The following PCDHGA11 variants were observed in gnomAD, a reference collection of about 807,000 sequenced individuals.
PCDHGA11 encodes the protein protocadherin gamma-A11.
PCDHGA11 carries 39 observed loss-of-function variants against 60.4 expected under a neutral mutation model. The ratio of observed to expected loss-of-function variants is 0.65; its 90% CI spans 0.50 to 0.84. PCDHGA11 has a LOEUF of 0.84. Among genes scored for constraint, PCDHGA11 ranks in the 40% least tolerant of loss-of-function variants. The probability of loss-of-function intolerance (pLI) is 0.00; values close to 1 mark genes in which losing one functional copy is unlikely to be tolerated. For synonymous variants in PCDHGA11, 533 were observed against 510.3 expected (o/e 1.04, Z -0.60); for missense variants, 1,165 against 1,197.7 (o/e 0.97, Z 0.40).
At chr5:141,436,042 T>A (rs1246680632) in intron 1 of PCDHGA11, among the ~76,000 whole-genome samples, 4 of 152,182 alleles carry the variant, frequency 2.6e-5, no homozygotes, top group Non-Finnish European at 5.9e-5. Context: ...TGTATTTACA[T>A]TAGTTTTCAA....
At position 141,422,501 on chromosome 5, in the gene PCDHGA11, C is replaced by T. The variant is rs1343881573; in HGVS notation, c.1274C>T (p.Ala425Val). The change falls in exon 1 of 4, where the codon GCC (alanine) becomes GTC (valine). Residue 425 changes from alanine to valine, a missense_variant. Coordinates refer to ENST00000398587, the MANE Select transcript of PCDHGA11 (RefSeq NM_018914.3). ...LVQSYNITLT[A>V]TDQGSPPLSA... ...CAGAGCTACAATATAACGTTGACAGCCACAGACCAGGGAAGCCCGCCTTTG... is the reference window on the plus strand; with the variant it reads ...CAGAGCTACAATATAACGTTGACAGTCACAGACCAGGGAAGCCCGCCTTTG... 9.3e-6 allele frequency: 15 copies of T among 1,613,810 alleles called. No individual in the cohort carries two copies. The highest frequency in any genetic ancestry group is 1.3e-5 in the Non-Finnish European group (15 of 1,179,872).
Position 141,511,628 on chromosome 5 carries a change from G to C in PCDHGA11, c.*455G>C, listed in dbSNP as rs4912608. 0.2 allele frequency: 46,780 copies of C among 231,598 alleles called. 5,185 individuals are homozygous for C. The highest frequency in any genetic ancestry group is 0.32 in the Admixed American group (6,204 of 19,590). The allele number at this position is 231,598 out of a possible 1,614,324, so 14.3% of individuals were successfully genotyped here. A position where few individuals can be genotyped will look rare whatever the true frequency, so the allele number is the denominator to read the frequency against. On this transcript the variant is annotated 3_prime_UTR_variant, in exon 4 of 4. Transcript: ENST00000398587. ...CAAGCCTCCTAGTTCTGAAAAGTTG[G>C]AAGGGCATCATGACCTCTTGGCCTC...
Position 141,431,915 on chromosome 5 carries a change from A to G in PCDHGA11, c.2433+8255A>G. 1 of 1,614,040 alleles carries G rather than the reference A, an allele frequency of 6.2e-7. No homozygotes were observed. The highest frequency in any genetic ancestry group is 8.5e-7 in the Non-Finnish European group (1 of 1,179,854). On this transcript the variant is annotated intron_variant, in intron 1 of 3. Coordinates refer to ENST00000398587, the MANE Select transcript of PCDHGA11 (RefSeq NM_018914.3). The surrounding 1 kb of genome is among the most constrained non-coding windows in gnomAD (Gnocchi z 4.8). ...GGAAAACGGACAGGTGATCTGTTTC[A>G]TCCAAGGAAATCTGCCCTTTAAATT...
Position 141,454,981 on chromosome 5 carries a change from A to T in PCDHGA11, c.2433+31321A>T, listed in dbSNP as rs528657512. 9.9e-3 allele frequency among the ~76,000 whole-genome samples: 1,486 copies of T among 150,680 alleles called. 32 individuals carry two copies. Among genetic ancestry groups the T allele is most frequent in the African/African-American group, 0.034 (1,392 of 41,092 alleles). On this transcript the variant is annotated intron_variant, in intron 1 of 3. Coordinates refer to ENST00000398587, the MANE Select transcript of PCDHGA11 (RefSeq NM_018914.3). ...GGCCACCACGCCTGGCTAATTTTTTAAAAAATATTTTTAGTAGAGACGGGG... is the reference window on the plus strand; with the variant it reads ...GGCCACCACGCCTGGCTAATTTTTTTAAAAATATTTTTAGTAGAGACGGGG...
At chr5:141,484,404 G>C (rs1333849091) in intron 1 of PCDHGA11, among the ~76,000 whole-genome samples, 3 of 152,174 alleles carry the variant, frequency 2.0e-5, no homozygotes, top group Non-Finnish European at 4.4e-5. Flanking sequence ...GGTTTCCGCT[G>C]TGTCTCCTGT....
rs888457230 is a variant in PCDHGA11, at chr5:141,493,727, C to T, written c.2434-1080C>T. On this transcript the variant is annotated intron_variant, in intron 1 of 3. Transcript: ENST00000398587. This position sits in a 1 kb window ranked among gnomAD's most constrained non-coding sequence, Gnocchi z 4.3. ...TGGAATGCTAGGTTTCTGGGTTCTG[C>T]TCATATCACTGCCACCTGTGAGCCT... Among the ~76,000 whole-genome samples, 2 of 152,184 alleles carry T rather than the reference C, an allele frequency of 1.3e-5. No homozygotes were observed. Among genetic ancestry groups the T allele is most frequent in the Admixed American group, 6.5e-5 (1 of 15,280 alleles).
chr5:141,480,694 G>A (rs1446014656), intron 1 of PCDHGA11, among the ~76,000 whole-genome samples: 1 of 152,128 alleles, frequency 6.6e-6, no homozygotes, highest in Non-Finnish European at 1.5e-5. Flanking sequence ...TGAAACCCAG[G>A]CCACACCCCG....
Position 141,477,350 on chromosome 5 carries a change from A to G in PCDHGA11, c.2434-17457A>G. The G allele has an allele frequency of 6.2e-7, 1 of 1,614,142 alleles. No individual in the cohort carries two copies. Among genetic ancestry groups the G allele is most frequent in the Non-Finnish European group, 8.5e-7 (1 of 1,180,016 alleles). On this transcript the variant is annotated intron_variant, in intron 1 of 3. Transcript: ENST00000398587. The surrounding 1 kb of genome is among the most constrained non-coding windows in gnomAD (Gnocchi z 4.9). ...CAAGAATTACTTCACTTTGAAAACC[A>G]GTGCAGACCTGGATCGGGAGACTGT...
intron 1 of PCDHGA11, chr5:141,423,971 G>T: frequency 8.8e-7 from 1 of 1,136,014 alleles, no homozygotes; most frequent in Non-Finnish European, 1.1e-6. Context: ...TCTATTATCA[G>T]TGTATGAGGC....
intron 1 of PCDHGA11, chr5:141,475,927 G>A: frequency 1.6e-6 from 1 of 628,480 alleles, no homozygotes; most frequent in South Asian, 2.1e-5. Flanking sequence ...CTGGAGATCG[G>A]GCCCCTGCCC....
chr5:141,482,998 T>C (rs1458221945), intron 1 of PCDHGA11, among the ~76,000 whole-genome samples: 1 of 152,008 alleles, frequency 6.6e-6, no homozygotes, highest in Non-Finnish European at 1.5e-5. Flanking sequence ...GGCAGGAGAA[T>C]TGCTTGAACC....
chr5:141,432,823 C>A lies in PCDHGA11; in HGVS notation c.2433+9163C>A. 1 of 1,614,184 alleles carries A rather than the reference C, an allele frequency of 6.2e-7. No homozygotes were observed. Among genetic ancestry groups the A allele is most frequent in the Non-Finnish European group, 8.5e-7 (1 of 1,180,004 alleles). On this transcript the variant is annotated intron_variant, in intron 1 of 3. Transcript: ENST00000398587. The surrounding 1 kb of genome is among the most constrained non-coding windows in gnomAD (Gnocchi z 6.0). ...CTCCAGCTAACTCTGAAACCTCAGA[C>A]CTCACTCTGTACCTGGTGGTAGCGG...
intron 1 of PCDHGA11, among the ~76,000 whole-genome samples, chr5:141,480,672 T>A (rs1053078255): frequency 2.0e-5 from 3 of 152,166 alleles, no homozygotes; most frequent in African/African-American, 7.2e-5. Context: ...CCTAGAGACC[T>A]TTTAAAAATT....
At position 141,448,695 on chromosome 5, in the gene PCDHGA11, C is replaced by T. The variant is rs535473305; in HGVS notation, c.2433+25035C>T. 2.7e-4 allele frequency among the ~76,000 whole-genome samples: 41 copies of T among 152,246 alleles called. No homozygotes were observed. In the South Asian group the frequency reaches 8.5e-3, roughly 32 times the overall value. On this transcript the variant is annotated intron_variant, in intron 1 of 3. Coordinates refer to ENST00000398587, the MANE Select transcript of PCDHGA11 (RefSeq NM_018914.3). Reference sequence around the variant, plus strand: ...GTGGCTCACGCCTGTAATCGCAGCACTTTGGGAGGCCGAGGCGGGAGGATC... The same window carrying T: ...GTGGCTCACGCCTGTAATCGCAGCATTTTGGGAGGCCGAGGCGGGAGGATC...
intron 1 of PCDHGA11, among the ~76,000 whole-genome samples, chr5:141,438,745 T>C (rs1004731034): frequency 4.7e-5 from 7 of 147,392 alleles, no homozygotes; most frequent in Non-Finnish European, 1.0e-4. Flanking sequence ...CACTGCAACC[T>C]CTGCCTCCTG....
intron 1 of PCDHGA11, chr5:141,424,527 A>G (rs1164206187): frequency 1.3e-5 from 2 of 152,214 alleles, no homozygotes; most frequent in African/African-American, 2.4e-5. Flanking sequence ...GTAAATCCAT[A>G]TATAGAAATA....
rs768206517 is a variant in PCDHGA11, at chr5:141,432,482, G to A, written c.2433+8822G>A. 10 of 1,614,060 alleles carry A rather than the reference G, an allele frequency of 6.2e-6. No homozygotes were observed. The highest frequency in any genetic ancestry group is 1.3e-5 in the African/African-American group (1 of 74,946). On this transcript the variant is annotated intron_variant, in intron 1 of 3. Coordinates refer to ENST00000398587, the MANE Select transcript of PCDHGA11 (RefSeq NM_018914.3). The surrounding 1 kb of genome is among the most constrained non-coding windows in gnomAD (Gnocchi z 6.0). ...CCTCCCCACGGACGGTTCCACTGGC[G>A]TGGAGCTGGCTCCCCGCTCCGCAGA...
At chr5:141,458,662 C>A (rs948275548) in intron 1 of PCDHGA11, among the ~76,000 whole-genome samples, 2 of 152,064 alleles carry the variant, frequency 1.3e-5, no homozygotes, top group Non-Finnish European at 2.9e-5. Flanking sequence ...CTCCACCTCT[C>A]GGGTTCAAGC....
In PCDHGA11 at chr5:141,431,766, C is replaced by T. The variant is rs1474420822; in HGVS notation, c.2433+8106C>T. Reference sequence around the variant, plus strand: ...TCTGCGCGAGCCAAAGTCCTGATCACTGTTCTGGACGTGAACGACAATGCC... The same window carrying T: ...TCTGCGCGAGCCAAAGTCCTGATCATTGTTCTGGACGTGAACGACAATGCC... On this transcript the variant is annotated intron_variant, in intron 1 of 3. Transcript: ENST00000398587. The surrounding 1 kb of genome is among the most constrained non-coding windows in gnomAD (Gnocchi z 4.8). 2.5e-6 allele frequency: 4 copies of T among 1,614,196 alleles called. No individual in the cohort carries two copies. Among genetic ancestry groups the T allele is most frequent in the Non-Finnish European group, 3.4e-6 (4 of 1,180,010 alleles).
Sources: allele counts gnomAD v4.1 joint callset (sites outside exome capture counted in the v4.1 genomes callset), GRCh38; gene constraint gnomAD v4.1.1; non-coding constraint Gnocchi (gnomAD v3.1); transcripts MANE v1.5; gene names NCBI Gene and HGNC (gene_info 2026-07-23, HGNC 2026-07-21).